The following PAPOLA variants were observed in gnomAD, a reference collection of about 807,000 sequenced individuals.
PAPOLA encodes poly(A) polymerase alpha, also known as polynucleotide adenylyltransferase alpha.
In PAPOLA, 15 loss-of-function variants were observed where a neutral mutation model predicts 100.6. The ratio of observed to expected loss-of-function variants is 0.15; its 90% CI spans 0.10 to 0.23. The LOEUF (loss-of-function observed/expected upper bound fraction) is 0.23, where lower values mean the gene tolerates loss of function less well. Ranked by LOEUF, PAPOLA falls within the 10% of genes least tolerant of loss-of-function variation. The pLI, the probability that PAPOLA is intolerant of heterozygous loss-of-function variation, is 1.00. For synonymous variants in PAPOLA, 293 were observed against 300.0 expected (o/e 0.98, Z 0.24); for missense variants, 533 against 884.2 (o/e 0.60, Z 5.04).
chr14:96,529,209 G>A (rs961687168), intron 6 of PAPOLA, among the ~76,000 whole-genome samples: 30 of 152,010 alleles, frequency 2.0e-4, no homozygotes, highest in African/African-American at 6.8e-4. Context: ...TTTAAAAAAT[G>A]TGTCAGTATT....
Position 96,556,281 on chromosome 14 carries a change from A to G in PAPOLA, c.1872A>G (p.Pro624=), listed in dbSNP as rs370334742. 3.1e-6 allele frequency: 5 copies of G among 1,614,016 alleles called. No individual in the cohort carries two copies. The African/African-American group carries it at 5.3e-5, about 17-fold the overall frequency. ...TTTCTTCAACACGTCTGGTAAACCCACCACCTAGATCTTCAGGAAATGCAG... is the reference window on the plus strand; with the variant it reads ...TTTCTTCAACACGTCTGGTAAACCCGCCACCTAGATCTTCAGGAAATGCAG... ...RVVSSTRLVN[P]PPRSSGNAAT... Residue 624 remains proline, a synonymous_variant, in exon 19 of 22, where the codon CCA becomes CCG. Transcript: ENST00000216277.
intron 4 of PAPOLA, 119 bp from the exon 5 acceptor site, chr14:96,527,311 A>G: frequency 3.2e-6 from 2 of 631,890 alleles, no homozygotes; most frequent in African/African-American, 3.7e-5. Flanking sequence ...GGGGTGGAAC[A>G]TTTTTAGAAG....
chr14:96,564,190 T>G (rs1380819197), intron 21 of PAPOLA, among the ~76,000 whole-genome samples: 1 of 152,092 alleles, frequency 6.6e-6, no homozygotes, highest in Admixed American at 6.6e-5. Context: ...TTGAGATAAA[T>G]CTGGAAATAT....
chr14:96,506,195 C>T (rs1896706501), intron 1 of PAPOLA, among the ~76,000 whole-genome samples: 1 of 152,108 alleles, frequency 6.6e-6, no homozygotes, highest in Non-Finnish European at 1.5e-5. Context: ...TGAGCCACGG[C>T]GCCCGGCTGT....
intron 15 of PAPOLA, among the ~76,000 whole-genome samples, chr14:96,545,922 T>C (rs1489439807): frequency 6.6e-6 from 1 of 152,122 alleles, no homozygotes; most frequent in African/African-American, 2.4e-5. Context: ...TTCTGTACAT[T>C]GCATTCAAGT....
In PAPOLA at chr14:96,511,984, A is replaced by G. The variant is rs558657968; in HGVS notation, c.9-8071A>G. The stretch of plus-strand genomic sequence containing the variant: ...ATTAGCATAAACTGAGTTTTTAGCT[A>G]ATAACCAAAAGCTAATTATTGTTTT... On this transcript the variant is annotated intron_variant, in intron 1 of 21. Transcript: ENST00000216277. 3.3e-5 allele frequency among the ~76,000 whole-genome samples: 5 copies of G among 152,356 alleles called. No individual in the cohort carries two copies. The South Asian group carries it at 1.0e-3, about 32-fold the overall frequency.
At chr14:96,546,397 C>T (rs1419904446) in intron 15 of PAPOLA, among the ~76,000 whole-genome samples, 1 of 152,078 alleles carries the variant, frequency 6.6e-6, no homozygotes, top group Admixed American at 6.6e-5. Flanking sequence ...ATTTTTAAGC[C>T]AGATCATATC....
At chr14:96,551,890 G>C (rs1336356606) in intron 16 of PAPOLA, among the ~76,000 whole-genome samples, 1 of 152,164 alleles carries the variant, frequency 6.6e-6, no homozygotes, top group Non-Finnish European at 1.5e-5. Flanking sequence ...ATAATTTACA[G>C]TATTAAGCAT....
chr14:96,530,861 C>T (rs1898945517), intron 6 of PAPOLA, among the ~76,000 whole-genome samples: 1 of 152,164 alleles, frequency 6.6e-6, no homozygotes, highest in Non-Finnish European at 1.5e-5. Flanking sequence ...GTCACCCAGG[C>T]TGGAGTGCGG....
intron 1 of PAPOLA, among the ~76,000 whole-genome samples, chr14:96,512,822 T>G (rs984191842): frequency 3.3e-5 from 5 of 152,224 alleles, no homozygotes; most frequent in African/African-American, 1.2e-4. Flanking sequence ...TGATTACCTT[T>G]CTGTGTTAGT....
At chr14:96,512,940 A>G (rs947771136) in intron 1 of PAPOLA, among the ~76,000 whole-genome samples, 1 of 152,224 alleles carries the variant, frequency 6.6e-6, no homozygotes, top group Admixed American at 6.5e-5. Context: ...TAGCCCTGGG[A>G]TAGACACTGC....
At chr14:96,544,340 C>A in intron 15 of PAPOLA, 82 bp downstream of exon 15, 1 of 680,104 alleles carries the variant, frequency 1.5e-6, no homozygotes, top group Non-Finnish European at 2.6e-6. Context: ...GTGATATTTA[C>A]AATAATTGTT....
chr14:96,559,425 C>T (rs528811117), intron 19 of PAPOLA, among the ~76,000 whole-genome samples: 3 of 151,744 alleles, frequency 2.0e-5, no homozygotes, highest in Non-Finnish European at 4.4e-5. Flanking sequence ...GTTTTAGATA[C>T]TCTGAGGTAG....
In PAPOLA at chr14:96,506,150, C is replaced by T. The variant is rs367880056; in HGVS notation, c.8+3550C>T. 3.0e-3 allele frequency among the ~76,000 whole-genome samples: 452 copies of T among 152,262 alleles called. 14 individuals carry two copies. In the South Asian group the frequency reaches 0.08, roughly 27 times the overall value. On this transcript the variant is annotated intron_variant, in intron 1 of 21. Transcript: ENST00000216277. ...ATTTCCTGACCTCGTGATCCCCCCCCACCTCGGCCTCCCAAAGTGCTGGGA... is the reference window on the plus strand; with the variant it reads ...ATTTCCTGACCTCGTGATCCCCCCCTACCTCGGCCTCCCAAAGTGCTGGGA...
intron 1 of PAPOLA, among the ~76,000 whole-genome samples, chr14:96,510,751 C>G (rs931157287): frequency 3.3e-5 from 5 of 152,206 alleles, no homozygotes; most frequent in Non-Finnish European, 7.3e-5. Flanking sequence ...ATAGTGGGAT[C>G]TAAATATTTT....
intron 1 of PAPOLA, among the ~76,000 whole-genome samples, chr14:96,507,814 C>A (rs1896836342): frequency 6.6e-6 from 1 of 152,128 alleles, no homozygotes; most frequent in Non-Finnish European, 1.5e-5. Flanking sequence ...ACAGCTGCCC[C>A]AAGATGAAGT....
At chr14:96,551,880 A>T (rs980986613) in intron 16 of PAPOLA, among the ~76,000 whole-genome samples, 6 of 152,192 alleles carry the variant, frequency 3.9e-5, no homozygotes, top group African/African-American at 7.2e-5. Flanking sequence ...TTTTCACAGG[A>T]TAATTTACAG....
At chr14:96,509,305 A>G (rs1365577112) in intron 1 of PAPOLA, among the ~76,000 whole-genome samples, 1 of 152,214 alleles carries the variant, frequency 6.6e-6, no homozygotes, top group Non-Finnish European at 1.5e-5. Flanking sequence ...CCGAGATTAC[A>G]GGTGGCTCAT....
chr14:96,509,728 G>A (rs1341869383), intron 1 of PAPOLA, among the ~76,000 whole-genome samples: 1 of 152,104 alleles, frequency 6.6e-6, no homozygotes, highest in African/African-American at 2.4e-5. Context: ...TAACACATTA[G>A]GAAGCATTTG....
Sources: allele counts gnomAD v4.1 joint callset (sites outside exome capture counted in the v4.1 genomes callset), GRCh38; gene constraint gnomAD v4.1.1; transcripts MANE v1.5; gene names NCBI Gene and HGNC (gene_info 2026-07-23, HGNC 2026-07-21).